Variants in IFFO1 observed in about 807,000 individuals in gnomAD.
The protein encoded by IFFO1 is intermediate filament family orphan 1, also known as non-homologous end joining factor IFFO1.
IFFO1 carries 42 observed loss-of-function variants against 59.6 expected under a neutral mutation model. That is an observed-to-expected ratio of 0.70 (90% CI 0.55 to 0.91). IFFO1 has a LOEUF of 0.91. IFFO1 is among the 40% of genes least tolerant of loss of function. The pLI is 0.00. For synonymous variants in IFFO1, 336 were observed against 342.8 expected, an observed-to-expected ratio of 0.98 and a Z score of 0.22; for missense variants, 711 against 793.2, an observed-to-expected ratio of 0.90 and a Z score of 1.24.
At position 6,549,692 on chromosome 12, in the gene IFFO1, G is replaced by C. The variant is rs2136128599; in HGVS notation, c.1071+64C>G. Reference sequence around the variant, plus strand: ...GAGGCAGGGCCTGCGTTCCAGGCCAGCCGCCACGGAAGCATCCACCTGCCC... The same window carrying C: ...GAGGCAGGGCCTGCGTTCCAGGCCACCCGCCACGGAAGCATCCACCTGCCC... On this transcript the variant is annotated intron_variant, in intron 4 of 9. Transcript: ENST00000619571. The surrounding 1 kb of genome is among the most constrained non-coding windows in gnomAD (Gnocchi z 5.0). The C allele has an allele frequency of 6.4e-7, 1 of 1,570,042 alleles. No individual in the cohort carries two copies. The highest frequency in any genetic ancestry group is 8.7e-7 in the Non-Finnish European group (1 of 1,151,464).
chr12:6,542,327 T>C (rs1434177821), intron 8 of IFFO1, among the ~76,000 whole-genome samples: 3 of 151,996 alleles, frequency 2.0e-5, no homozygotes, highest in African/African-American at 7.3e-5. Flanking sequence ...ATCAAAGAAA[T>C]CCGGTCTCCC....
In IFFO1 at chr12:6,555,212, A is replaced by T; in HGVS notation, c.773+45T>A. 6.3e-7 allele frequency: 1 copy of T among 1,589,798 alleles called. No homozygotes were observed. The highest frequency in any genetic ancestry group is 8.6e-7 in the Non-Finnish European group (1 of 1,158,980). On this transcript the variant is annotated intron_variant, in intron 1 of 9. Transcript: ENST00000619571. The surrounding 1 kb of genome is among the most constrained non-coding windows in gnomAD (Gnocchi z 8.6). The stretch of plus-strand genomic sequence containing the variant: ...CCACACCAACTCGCGGCCCGTTGTG[A>T]GTGGTATGACACAGAGAGACCTGTC...
rs1195291092 is a variant in IFFO1 at position 6,541,813 on chromosome 12, A to T, written c.1480-171T>A. Among the ~76,000 whole-genome samples the T allele has an allele frequency of 6.6e-6, 1 of 152,236 alleles. No homozygotes were observed. The highest frequency in any genetic ancestry group is 2.4e-5 in the African/African-American group (1 of 41,474). On this transcript the variant is annotated intron_variant, in intron 8 of 9. Coordinates refer to ENST00000619571, the MANE Select transcript of IFFO1 (RefSeq NM_001193457.2). This position sits in a 1 kb window ranked among gnomAD's most constrained non-coding sequence, Gnocchi z 4.8. ...AACCAGACCAAGGCAGAAGGCAGCG[A>T]ATACACCATTGTTTCCTCTGCTTTT...
rs748133083 is a variant in IFFO1, at chr12:6,541,477, C to A, written c.1610+35G>T. The A allele has an allele frequency of 2.5e-6, 4 of 1,610,304 alleles. No homozygotes were observed. The highest frequency in any genetic ancestry group is 3.4e-6 in the Non-Finnish European group (4 of 1,179,708). On this transcript the variant is annotated intron_variant, in intron 9 of 9. Coordinates refer to ENST00000619571, the MANE Select transcript of IFFO1 (RefSeq NM_001193457.2). The surrounding 1 kb of genome is among the most constrained non-coding windows in gnomAD (Gnocchi z 4.8). ...TCCAACCTTTCTCCCCGCTGTGTCC[C>A]CCTGGAAGGCCCCATGCCCAGGGGA...
At position 6,541,445 on chromosome 12, in the gene IFFO1, G is replaced by T; in HGVS notation, c.1610+67C>A. On this transcript the variant is annotated intron_variant, in intron 9 of 9. Coordinates refer to ENST00000619571, the MANE Select transcript of IFFO1 (RefSeq NM_001193457.2). The surrounding 1 kb of genome is among the most constrained non-coding windows in gnomAD (Gnocchi z 4.8). ...CAGTCATTGCCTGAGGGTCTCTGGG[G>T]CTGTGTTCCAACCTTTCTCCCCGCT... The T allele has an allele frequency of 6.3e-7, 1 of 1,588,158 alleles. No individual in the cohort carries two copies. Among genetic ancestry groups the T allele is most frequent in the Non-Finnish European group, 8.6e-7 (1 of 1,167,288 alleles).
rs114864676 is a variant in IFFO1 at position 6,551,406 on chromosome 12, G to A, written c.774-405C>T. On this transcript the variant is annotated intron_variant, in intron 1 of 9. Coordinates refer to ENST00000619571, the MANE Select transcript of IFFO1 (RefSeq NM_001193457.2). ...CCGGCCCAGTCTCCCACCTTCAGTC[G>A]CACAGATCCGGGCTCCCGCCTCCTG... 40 of 1,302,394 alleles carry A rather than the reference G, an allele frequency of 3.1e-5. 1 individual carries two copies. The African/African-American group carries it at 4.1e-4, about 13-fold the overall frequency. The allele number at this position is 1,302,394 out of a possible 1,614,324, so 80.7% of individuals were successfully genotyped here.
In IFFO1 at chr12:6,549,361, G is replaced by A. The variant is rs373958672; in HGVS notation, c.1080+115C>T. Reference sequence around the variant, plus strand: ...GGGAAGAGCAAGGAAAAGGGAAAGGGCAGAAAAAAATCCGTGCTCAAGAGC... The same window carrying A: ...GGGAAGAGCAAGGAAAAGGGAAAGGACAGAAAAAAATCCGTGCTCAAGAGC... On this transcript the variant is annotated intron_variant, in intron 5 of 9. Transcript: ENST00000619571. This position sits in a 1 kb window ranked among gnomAD's most constrained non-coding sequence, Gnocchi z 5.0. 5.3e-6 allele frequency: 5 copies of A among 947,728 alleles called. No homozygotes were observed. The highest frequency in any genetic ancestry group is 2.2e-4 in the Middle Eastern group (1 of 4,610). 58.7% of individuals were successfully genotyped at this position (947,728 alleles called of 1,614,324 possible).
intron 8 of IFFO1, among the ~76,000 whole-genome samples, chr12:6,542,212 C>T (rs1246297422): frequency 6.6e-6 from 1 of 152,238 alleles, no homozygotes; most frequent in Non-Finnish European, 1.5e-5. Context: ...CACCTAAAAG[C>T]CATTTTCAGA....
chr12:6,542,461 C>T (rs1181829125), intron 8 of IFFO1, among the ~76,000 whole-genome samples: 1 of 152,144 alleles, frequency 6.6e-6, no homozygotes, highest in Non-Finnish European at 1.5e-5. Flanking sequence ...GGGCAGGGGC[C>T]GCAAGGGGAA....
In IFFO1 at chr12:6,549,028, G is replaced by C. The variant is rs1452219947; in HGVS notation, c.1081-179C>G. 5 of 617,582 alleles carry C rather than the reference G, an allele frequency of 8.1e-6. No individual in the cohort carries two copies. The highest frequency in any genetic ancestry group is 1.4e-5 in the Non-Finnish European group (5 of 352,504). 38.3% of individuals were successfully genotyped at this position (617,582 alleles called of 1,614,324 possible). ...AGTCACCAAGGGCCAGACACACAGC[G>C]GGGGTCAGGGCTGCAAACCGAGAAG... On this transcript the variant is annotated intron_variant, in intron 5 of 9. Transcript: ENST00000619571. The surrounding 1 kb of genome is among the most constrained non-coding windows in gnomAD (Gnocchi z 5.0).
In IFFO1 at chr12:6,556,031, G is replaced by C. The variant is rs1198923966; in HGVS notation, c.-2C>G. 1 of 1,576,732 alleles carries C rather than the reference G, an allele frequency of 6.3e-7. No individual in the cohort carries two copies. The highest frequency in any genetic ancestry group is 2.3e-5 in the East Asian group (1 of 43,772). On this transcript the variant is annotated 5_prime_UTR_variant, in exon 1 of 10. Coordinates refer to ENST00000619571, the MANE Select transcript of IFFO1 (RefSeq NM_001193457.2). ...GTTGGGGCCGAATAACGGATTCATG[G>C]CTGCGCCTTCTGCTGGGAGATGCAG...
chr12:6,541,746 G>A lies in IFFO1; in HGVS notation c.1480-104C>T. ...CACGCCAAGAGCAGTGGCTGGGCCG[G>A]GGGCCCAGGCAGCCATTACTGAAGG... On this transcript the variant is annotated intron_variant, in intron 8 of 9. Coordinates refer to ENST00000619571, the MANE Select transcript of IFFO1 (RefSeq NM_001193457.2). This position sits in a 1 kb window ranked among gnomAD's most constrained non-coding sequence, Gnocchi z 4.8. 1 of 1,432,058 alleles carries A rather than the reference G, an allele frequency of 7.0e-7. No homozygotes were observed. Among genetic ancestry groups the A allele is most frequent in the Non-Finnish European group, 9.6e-7 (1 of 1,038,746 alleles). 88.7% of individuals were successfully genotyped at this position (1,432,058 alleles called of 1,614,324 possible).
At chr12:6,545,218 A>AAAATAAAT (rs535558141) in intron 8 of IFFO1, among the ~76,000 whole-genome samples, 4 of 152,134 alleles carry the variant, frequency 2.6e-5, no homozygotes, top group African/African-American at 9.6e-5. Context: ...ACGTCTCAAA[A>AAAATAAAT]AAATAAATAA....
At chr12:6,554,209 G>C (rs79865993) in intron 1 of IFFO1, among the ~76,000 whole-genome samples, 4,634 of 152,146 alleles carry the variant, frequency 0.03, 256 homozygotes, top group East Asian at 0.26. Context: ...CTCACCCAGT[G>C]CTGAATCTCC....
chr12:6,555,265 GT>G lies in IFFO1; in HGVS notation c.764del (p.Tyr255SerfsTer19), dbSNP rs766825569. The G allele has an allele frequency of 6.2e-7, 1 of 1,614,112 alleles. No individual in the cohort carries two copies. Among genetic ancestry groups the G allele is most frequent in the South Asian group, 1.1e-5 (1 of 91,078 alleles). ...CCTTTCCCAATCCCTACCTCCGCTT[GT>G]ACTCGTCCCGCTCCCGCTTCACTTT... ...LAKVKRERDE[Y>X]KRRWEEEYTV... is the part of the protein sequence containing the mutation. On this transcript the variant is annotated frameshift_variant, in exon 1 of 10. Transcript: ENST00000619571. LOFTEE classifies it high-confidence loss of function. This position sits in a 1 kb window ranked among gnomAD's most constrained non-coding sequence, Gnocchi z 8.6.
In IFFO1 at chr12:6,549,531, G is replaced by T; in HGVS notation, c.1072-47C>A. The T allele has an allele frequency of 6.8e-7, 1 of 1,467,378 alleles. No homozygotes were observed. Among genetic ancestry groups the T allele is most frequent in the Non-Finnish European group, 9.5e-7 (1 of 1,048,500 alleles). The allele number at this position is 1,467,378 out of a possible 1,614,324, so 90.9% of individuals were successfully genotyped here. On this transcript the variant is annotated intron_variant, in intron 4 of 9. Transcript: ENST00000619571. This position sits in a 1 kb window ranked among gnomAD's most constrained non-coding sequence, Gnocchi z 5.0. ...AGATGAGAGGAAGAGAGGAGAGGAA[G>T]CAGACAGAGGAGAGAGAGGGGGAAG...
chr12:6,548,771 T>A lies in IFFO1; in HGVS notation c.1159A>T (p.Thr387Ser). Residue 387 changes from threonine (T) to serine (S), a missense_variant, in exon 6 of 10, where the codon ACC (threonine) becomes TCC (serine). By Grantham distance (58) the Thr-to-Ser change is moderately conservative. Coordinates refer to ENST00000619571, the MANE Select transcript of IFFO1 (RefSeq NM_001193457.2). This position sits in a 1 kb window ranked among gnomAD's most constrained non-coding sequence, Gnocchi z 6.1. The stretch of plus-strand genomic sequence containing the variant: ...GGCCCCTCACTCTCCGACAGGGAGG[T>A]GTCCTCCTCGACGGCAGCCTTGCGC... ...RERKAAVEED[T>S]SLSESEGPRQ... 6.2e-7 allele frequency: 1 copy of A among 1,613,412 alleles called. No homozygotes were observed. The highest frequency in any genetic ancestry group is 8.5e-7 in the Non-Finnish European group (1 of 1,179,862).
In IFFO1 at chr12:6,540,111, C is replaced by T; in HGVS notation, c.*372G>A. The T allele has an allele frequency of 6.1e-6, 2 of 327,338 alleles. No individual in the cohort carries two copies. The highest frequency in any genetic ancestry group is 5.8e-6 in the Non-Finnish European group (1 of 172,410). The allele number at this position is 327,338 out of a possible 1,614,324, so 20.3% of individuals were successfully genotyped here. A position where few individuals can be genotyped will look rare whatever the true frequency, so the allele number is the denominator to read the frequency against. ...TAGCACCAGTGTGGAAGACAGTGAG[C>T]TGGCTCCGGACAACAGGGATGGAGG... is the stretch of plus-strand genomic sequence containing the variant. On this transcript the variant is annotated 3_prime_UTR_variant, in exon 10 of 10. Transcript: ENST00000619571.
In IFFO1 at chr12:6,548,078, A is replaced by G; in HGVS notation, c.1466T>C (p.Ile489Thr). Reference sequence around the variant, plus strand: ...TCCTGCCCTTACCTCTATCTGGTCAATGGTCTCCTGATACTCCTTCTCCCG... The same window carrying G: ...TCCTGCCCTTACCTCTATCTGGTCAGTGGTCTCCTGATACTCCTTCTCCCG... ...KTREKEYQET[I>T]DQIELELATA... is the part of the protein sequence containing the mutation. Residue 489 changes from isoleucine to threonine, a missense_variant, in exon 8 of 10, where the codon ATT (isoleucine) becomes ACT (threonine). This residue lies in a region of IFFO1 where 579 missense variants were observed against 650.3 expected (regional missense o/e 0.89). Coordinates refer to ENST00000619571, the MANE Select transcript of IFFO1 (RefSeq NM_001193457.2). The surrounding 1 kb of genome is among the most constrained non-coding windows in gnomAD (Gnocchi z 6.1). 6.2e-7 allele frequency: 1 copy of G among 1,613,410 alleles called. No individual in the cohort carries two copies. The highest frequency in any genetic ancestry group is 8.5e-7 in the Non-Finnish European group (1 of 1,179,372).
Sources: gnomAD v4.1 joint callset for allele counts (sites outside exome capture counted in the v4.1 genomes callset) on GRCh38, gnomAD v4.1.1 for gene constraint, gnomAD v4.1.1 regional missense constraint, Gnocchi (gnomAD v3.1) non-coding constraint, MANE v1.5 for transcripts, NCBI Gene and HGNC (gene_info 2026-07-23, HGNC 2026-07-21) for gene names.